The following ZNF45 variants were observed in gnomAD, a reference collection of about 807,000 sequenced individuals.
ZNF45 encodes the protein zinc finger protein 45.
A neutral mutation model predicts 12.0 loss-of-function variants in ZNF45; 4 were observed. The ratio of observed to expected loss-of-function variants is 0.33; its 90% CI spans 0.16 to 0.76. The LOEUF is 0.76. Ranked by LOEUF, ZNF45 falls within the 30% of genes least tolerant of loss-of-function variation. The probability of loss-of-function intolerance (pLI) is 0.60; values close to 1 mark genes in which losing one functional copy is unlikely to be tolerated. For missense variants in ZNF45, 700 were observed against 813.0 expected (o/e 0.86, Z 1.69); for synonymous variants, 272 against 279.6 (o/e 0.97, Z 0.27).
chr19:43,913,189 A>T lies in ZNF45; in HGVS notation c.*198T>A, dbSNP rs1305879027. On this transcript the variant is annotated 3_prime_UTR_variant, in exon 10 of 10. Transcript: ENST00000269973. ...CTCCAGATCAGACTCATCCTTCCTG[A>T]TCCTCTTGTCTGCATGTATCAGCTA... 3 of 509,334 alleles carry T rather than the reference A, an allele frequency of 5.9e-6. No homozygotes were observed. Among genetic ancestry groups the T allele is most frequent in the Non-Finnish European group, 1.0e-5 (3 of 298,138 alleles). 31.6% of individuals were successfully genotyped at this position (509,334 alleles called of 1,614,324 possible).
intron 3 of ZNF45, among the ~76,000 whole-genome samples, chr19:43,929,285 C>T (rs541149004): frequency 3.9e-5 from 6 of 152,328 alleles, no homozygotes; most frequent in African/African-American, 9.6e-5. Flanking sequence ...CATGAGCTCC[C>T]GGCTCTCTCC....
In ZNF45 at chr19:43,921,749, C is replaced by T. The variant is rs774032631; in HGVS notation, c.15+422G>A. On this transcript the variant is annotated intron_variant, in intron 7 of 9. Coordinates refer to ENST00000269973, the MANE Select transcript of ZNF45 (RefSeq NM_003425.4). ...GAGGAGAAAAGTTATCTCACATACA[C>T]ACCACAGAGTAACATCAATTCAAGG... Among the ~76,000 whole-genome samples, 4 of 152,262 alleles carry T rather than the reference C, an allele frequency of 2.6e-5. No homozygotes were observed. The South Asian group carries it at 6.2e-4, about 24-fold the overall frequency.
At chr19:43,927,264 T>TA (rs1403840488) in intron 3 of ZNF45, among the ~76,000 whole-genome samples, 1 of 152,214 alleles carries the variant, frequency 6.6e-6, no homozygotes, top group African/African-American at 2.4e-5. Context: ...GGAGTTTCGT[T>TA]ACCTGCTCCA....
Position 43,918,901 on chromosome 19 carries a change from C to T in ZNF45, c.204G>A (p.Met68Ile), listed in dbSNP as rs1435702819. The change falls in exon 9 of 10, where the codon ATG becomes ATA. Residue 68 changes from methionine (M) to isoleucine (I), a missense_variant. Physicochemically the swap from Met to Ile is conservative, Grantham distance 10. Coordinates refer to ENST00000269973, the MANE Select transcript of ZNF45 (RefSeq NM_003425.4). ...AGTTATCTCTCTGGGTTGCCATCTT[C>T]ATCATCCACAGCTTTTCTTCTCTCT... ...QLEREEKLWM[M>I]KMATQRDNSS... 3.7e-6 allele frequency: 6 copies of T among 1,614,178 alleles called. No individual in the cohort carries two copies. Among genetic ancestry groups the T allele is most frequent in the East Asian group, 2.2e-5 (1 of 44,874 alleles).
At chr19:43,915,723 T>C (rs1241047397) in intron 9 of ZNF45, among the ~76,000 whole-genome samples, 1 of 152,122 alleles carries the variant, frequency 6.6e-6, no homozygotes, top group Non-Finnish European at 1.5e-5. Flanking sequence ...TCTAATCTTA[T>C]GAGAATCTAA....
rs889402868 is a variant in ZNF45 at position 43,935,209 on chromosome 19, G to C, written c.-1041C>G. The C allele has an allele frequency of 1.3e-5, 2 of 152,216 alleles. No homozygotes were observed. The highest frequency in any genetic ancestry group is 4.8e-5 in the African/African-American group (2 of 41,454). 9.4% of individuals were successfully genotyped at this position (152,216 alleles called of 1,614,324 possible). A position where few individuals can be genotyped will look rare whatever the true frequency, so the allele number is the denominator to read the frequency against. On this transcript the variant is annotated 5_prime_UTR_variant, in exon 1 of 10. Coordinates refer to ENST00000269973, the MANE Select transcript of ZNF45 (RefSeq NM_003425.4). ...AACCATAAAAGTTAAAACAGGTCGCGGGGTCCCAGGACTCACTCACTTCCA... is the reference window on the plus strand; with the variant it reads ...AACCATAAAAGTTAAAACAGGTCGCCGGGTCCCAGGACTCACTCACTTCCA...
chr19:43,913,908 TGAA>T lies in ZNF45; in HGVS notation c.1525_1527del (p.Phe509del), dbSNP rs1356039555. On this transcript the variant is annotated inframe_deletion, in exon 10 of 10. Transcript: ENST00000269973. ...TGCACCTGAAGGCTGGAGAACTGAC[TGAA>T]GGCCTTACCACACCTCTCGCATTTA... The T allele has an allele frequency of 1.9e-6, 3 of 1,602,898 alleles. No individual in the cohort carries two copies. Among genetic ancestry groups the T allele is most frequent in the Non-Finnish European group, 2.6e-6 (3 of 1,171,954 alleles).
rs141134235 is a variant in ZNF45, at chr19:43,914,592, C to A, written c.844G>T (p.Gly282Trp). 6.2e-7 allele frequency: 1 copy of A among 1,613,712 alleles called. No individual in the cohort carries two copies. ...TATGATCTCTGACTGAAGCCCACCC[C>A]ACACTCCTCACATTTATAGGGTTTC... ...GEKPYKCEEC[G>W]VGFSQRSYLQ... Residue 282 changes from glycine to tryptophan, a missense_variant, in exon 10 of 10, where the codon GGG becomes TGG. By Grantham distance (184) the Gly-to-Trp change is radical (BLOSUM62 -2). Coordinates refer to ENST00000269973, the MANE Select transcript of ZNF45 (RefSeq NM_003425.4).
intron 7 of ZNF45, among the ~76,000 whole-genome samples, chr19:43,921,574 A>G (rs1973186375): frequency 6.6e-6 from 1 of 152,214 alleles, no homozygotes. Flanking sequence ...ACATATCAAA[A>G]GTACTTTTTC....
At chr19:43,915,855 C>CT (rs1186793469) in intron 9 of ZNF45, among the ~76,000 whole-genome samples, 1 of 152,154 alleles carries the variant, frequency 6.6e-6, no homozygotes. Flanking sequence ...GATCACTGAC[C>CT]TACATACCTA....
chr19:43,913,949 C>G lies in ZNF45; in HGVS notation c.1487G>C (p.Gly496Ala), dbSNP rs1447238366. 16 of 1,603,088 alleles carry G rather than the reference C, an allele frequency of 1.0e-5. No individual in the cohort carries two copies. The highest frequency in any genetic ancestry group is 1.4e-5 in the Non-Finnish European group (16 of 1,171,920). The change falls in exon 10 of 10, where the codon GGA becomes GCA. Residue 496 changes from glycine (G) to alanine (A), a missense_variant. Physicochemically the swap from Gly to Ala is moderately conservative, Grantham distance 60 (BLOSUM62 0). Coordinates refer to ENST00000269973, the MANE Select transcript of ZNF45 (RefSeq NM_003425.4). ...DLNVHCRIHT[G>A]EKPYKCERCG... ...CCTCTCGCATTTATAGGGTTTCTCT[C>G]CTGTGTGGATTCTACAGTGTACATT...
chr19:43,917,676 G>A (rs1972802932), intron 9 of ZNF45, among the ~76,000 whole-genome samples: 1 of 152,080 alleles, frequency 6.6e-6, no homozygotes, highest in African/African-American at 2.4e-5. Context: ...AGTAGAGACG[G>A]GGTTTCACCA....
At position 43,924,330 on chromosome 19, in the gene ZNF45, A is replaced by AACAGG. The variant is rs1263253147; in HGVS notation, c.-105-25_-105-21dup. 6.6e-6 allele frequency: 1 copy of AACAGG among 152,226 alleles called. No homozygotes were observed. Among genetic ancestry groups the AACAGG allele is most frequent in the Non-Finnish European group, 1.5e-5 (1 of 68,050 alleles). 9.4% of individuals were successfully genotyped at this position (152,226 alleles called of 1,614,324 possible). ...GCTCAGCTATAAGAAGGGAAATGAAAACAGGATGTTAATCATAGGATTACT... is the reference window on the plus strand; with the variant it reads ...GCTCAGCTATAAGAAGGGAAATGAAAACAGGACAGGATGTTAATCATAGGATTACT... On this transcript the variant is annotated intron_variant, in intron 5 of 9. Transcript: ENST00000269973.
rs150178876 is a variant in ZNF45, at chr19:43,913,840, C to A, written c.1596G>T (p.Glu532Asp). The A allele has an allele frequency of 1.9e-6, 3 of 1,613,598 alleles. No individual in the cohort carries two copies. In the African/African-American group the frequency reaches 4.0e-5, roughly 22 times the overall value. ...AACCTACACTGAAGCCCTTCCCACA[C>A]TCTGCACACTGATATGGTTTCTCTC... is the stretch of plus-strand genomic sequence containing the variant. ...HTGEKPYQCAECGKGFSVGSQ... is the reference protein window; with the variant it reads ...HTGEKPYQCADCGKGFSVGSQ... Residue 532 changes from glutamate to aspartate, a missense_variant, in exon 10 of 10, where the codon GAG becomes GAT. Coordinates refer to ENST00000269973, the MANE Select transcript of ZNF45 (RefSeq NM_003425.4).
At chr19:43,928,797 C>G (rs1441629064) in intron 3 of ZNF45, among the ~76,000 whole-genome samples, 1 of 152,206 alleles carries the variant, frequency 6.6e-6, no homozygotes, top group African/African-American at 2.4e-5. Context: ...TTGTTAGGAT[C>G]AGGAGTGCCA....
rs201155720 is a variant in ZNF45, at chr19:43,914,829, G to A, written c.607C>T (p.Arg203Trp). The A allele has an allele frequency of 1.1e-5, 18 of 1,612,046 alleles. No individual in the cohort carries two copies. The highest frequency in any genetic ancestry group is 3.3e-5 in the South Asian group (3 of 91,054). ...TGATGGGCTTGAAGACTTGAAAACC[G>A]ACGGAAGGCATTATCACATTTTTCA... is the stretch of plus-strand genomic sequence containing the variant. The part of the protein sequence containing the change: ...KCEKCDNAFR[R>W]FSSLQAHQRV... Residue 203 changes from arginine (R) to tryptophan (W), a missense_variant, in exon 10 of 10, where the codon CGG becomes TGG. Transcript: ENST00000269973.
chr19:43,915,943 G>A (rs1226709736), intron 9 of ZNF45, among the ~76,000 whole-genome samples: 1 of 152,106 alleles, frequency 6.6e-6, no homozygotes, highest in Non-Finnish European at 1.5e-5. Context: ...GGGAGAAGAG[G>A]TTTATGGTAA....
rs1972350535 is a variant in ZNF45, at chr19:43,913,287, C to T, written c.*100G>A. 2 of 1,398,314 alleles carry T rather than the reference C, an allele frequency of 1.4e-6. No individual in the cohort carries two copies. The highest frequency in any genetic ancestry group is 1.9e-6 in the Non-Finnish European group (2 of 1,041,352). The allele number at this position is 1,398,314 out of a possible 1,614,324, so 86.6% of individuals were successfully genotyped here. A position where few individuals can be genotyped will look rare whatever the true frequency, so the allele number is the denominator to read the frequency against. ...CTTCTCTGCTGTGTGGTCTCCCAAT[C>T]ACTTGGCTGAACTACTGACTCTATA... is the stretch of plus-strand genomic sequence containing the variant. On this transcript the variant is annotated 3_prime_UTR_variant, in exon 10 of 10. Coordinates refer to ENST00000269973, the MANE Select transcript of ZNF45 (RefSeq NM_003425.4).
intron 6 of ZNF45, 64 bp from the exon 7 acceptor site, chr19:43,922,281 A>G: frequency 5.9e-6 from 7 of 1,185,002 alleles, no homozygotes; most frequent in Non-Finnish European, 5.9e-6. Flanking sequence ...GGCCAAAAAA[A>G]AAACCATAGC....
Sources: allele counts gnomAD v4.1 joint callset (sites outside exome capture counted in the v4.1 genomes callset), GRCh38; gene constraint gnomAD v4.1.1; transcripts MANE v1.5; gene names NCBI Gene and HGNC (gene_info 2026-07-23, HGNC 2026-07-21).